KALRN: variants seen among roughly 807,000 people sequenced by gnomAD.
KALRN encodes kalirin.
In KALRN, 70 loss-of-function variants were observed where a neutral mutation model predicts 353.7. That is an observed-to-expected ratio of 0.20 (90% CI 0.16 to 0.24). KALRN has a LOEUF of 0.24. KALRN is among the 10% of genes least tolerant of loss of function. The probability of loss-of-function intolerance (pLI) is 1.00; values close to 1 mark genes in which losing one functional copy is unlikely to be tolerated. For missense variants in KALRN, 2,791 were observed against 3,756.7 expected, an observed-to-expected ratio of 0.74 and a Z score of 6.72; for synonymous variants, 1,391 against 1,434.8, an observed-to-expected ratio of 0.97 and a Z score of 0.69.
chr3:124,454,809 A>G (rs2059147043), intron 21 of KALRN, among the ~76,000 whole-genome samples: 1 of 152,214 alleles, frequency 6.6e-6, no homozygotes, highest in Non-Finnish European at 1.5e-5. Context: ...TAAGTAATTT[A>G]GAGATGATTT....
At chr3:124,490,241 T>G (rs1350434080) in intron 29 of KALRN, among the ~76,000 whole-genome samples, 2 of 151,824 alleles carry the variant, frequency 1.3e-5, no homozygotes, top group East Asian at 1.9e-4. Flanking sequence ...TAAAAAATAA[T>G]AATAAGAAGA....
chr3:124,590,633 A>T (rs148922909), intron 34 of KALRN, among the ~76,000 whole-genome samples: 1 of 151,984 alleles, frequency 6.6e-6, no homozygotes, highest in East Asian at 1.9e-4. Flanking sequence ...TTTGCACTTG[A>T]TCTTAGCCAA....
chr3:124,451,378 G>C (rs1175697515), intron 21 of KALRN, among the ~76,000 whole-genome samples: 1 of 152,114 alleles, frequency 6.6e-6, no homozygotes, highest in Non-Finnish European at 1.5e-5. Context: ...TCAAAATGGA[G>C]AGGCAAGACA....
chr3:124,050,443 C>T (rs1221948974), intron 1 of KALRN, among the ~76,000 whole-genome samples: 1 of 152,182 alleles, frequency 6.6e-6, no homozygotes, highest in African/African-American at 2.4e-5. Context: ...CTGTTCACCA[C>T]CATCCTCTCC....
intron 3 of KALRN, among the ~76,000 whole-genome samples, chr3:124,250,970 C>G (rs1387772403): frequency 6.6e-6 from 1 of 152,238 alleles, no homozygotes; most frequent in African/African-American, 2.4e-5. Flanking sequence ...CCTTCTCTCC[C>G]TAGCCAGCTA....
In KALRN at chr3:124,435,766, C is replaced by A. The variant is rs76761480; in HGVS notation, c.3048+1241C>A. 3.3e-5 allele frequency among the ~76,000 whole-genome samples: 5 copies of A among 152,224 alleles called. No individual in the cohort carries two copies. In the South Asian group the frequency reaches 1.0e-3, roughly 32 times the overall value. ...CAGACTAAGATGATAGAGAGCTTCC[C>A]CAGTTGATCCCTAGATTCAACACAG... On this transcript the variant is annotated intron_variant, in intron 17 of 59. Transcript: ENST00000682506.
chr3:124,672,665 C>T (rs545413560), intron 48 of KALRN, among the ~76,000 whole-genome samples: 1 of 152,280 alleles, frequency 6.6e-6, no homozygotes, highest in Non-Finnish European at 1.5e-5. Context: ...GTCAAAGACT[C>T]AACCATAGAC....
At chr3:124,460,278 G>C (rs147290178) in intron 23 of KALRN, among the ~76,000 whole-genome samples, 76 of 152,286 alleles carry the variant, frequency 5.0e-4, no homozygotes, top group Non-Finnish European at 9.1e-4. Context: ...ATATCTGGGA[G>C]GGGGATGAGG....
intron 1 of KALRN, among the ~76,000 whole-genome samples, chr3:124,157,442 A>C (rs1280150216): frequency 6.6e-6 from 1 of 152,254 alleles, no homozygotes; most frequent in African/African-American, 2.4e-5. Context: ...GCCAGGATTT[A>C]AGGTAACATA....
Position 124,666,476 on chromosome 3 carries a change from C to G in KALRN, c.6373C>G (p.Leu2125Val), listed in dbSNP as rs1290476215. 6.2e-6 allele frequency: 10 copies of G among 1,614,022 alleles called. No homozygotes were observed. Among genetic ancestry groups the G allele is most frequent in the Non-Finnish European group, 7.6e-6 (9 of 1,179,886 alleles). The change falls in exon 46 of 60, where the codon CTG becomes GTG. Residue 2125 changes from leucine to valine, a missense_variant. Transcript: ENST00000682506. ...CACTCTGACTGCTCAGGGGAAGCTG[C>G]TGCAGCAGGACACATTCTATGTGAT... ...EGTLTAQGKL[L>V]QQDTFYVIEL...
intron 33 of KALRN, among the ~76,000 whole-genome samples, chr3:124,556,906 A>C (rs1195697695): frequency 6.6e-6 from 1 of 152,216 alleles, no homozygotes; most frequent in Non-Finnish European, 1.5e-5. Flanking sequence ...ATGTTCACAC[A>C]GTTATATATA....
At chr3:124,471,243 A>AC (rs1246194355) in intron 25 of KALRN, among the ~76,000 whole-genome samples, 3 of 147,184 alleles carry the variant, frequency 2.0e-5, no homozygotes, top group Non-Finnish European at 4.5e-5. Context: ...CCTTACAAGC[A>AC]CCCCCACAAA....
chr3:124,093,255 G>A (rs897114531), intron 1 of KALRN, among the ~76,000 whole-genome samples: 14 of 152,244 alleles, frequency 9.2e-5, no homozygotes, highest in African/African-American at 3.4e-4. Context: ...AGCTGGTGCT[G>A]AGGGAGACAT....
intron 34 of KALRN, among the ~76,000 whole-genome samples, chr3:124,615,929 G>T (rs1330006246): frequency 6.6e-6 from 1 of 152,146 alleles, no homozygotes; most frequent in African/African-American, 2.4e-5. Context: ...AGACCTAGAA[G>T]AAAACCCACT....
intron 1 of KALRN, among the ~76,000 whole-genome samples, chr3:124,227,325 A>G (rs1410888825): frequency 6.6e-6 from 1 of 152,168 alleles, no homozygotes; most frequent in African/African-American, 2.4e-5. Flanking sequence ...GGAGATTTGT[A>G]TCTCCCCATC....
At chr3:124,577,986 G>A (rs1015335838) in intron 34 of KALRN, among the ~76,000 whole-genome samples, 1 of 152,162 alleles carries the variant, frequency 6.6e-6, no homozygotes, top group African/African-American at 2.4e-5. Flanking sequence ...GGTTACTGAT[G>A]ACTATTGTCT....
rs1271596930 is a variant in KALRN at position 124,395,290 on chromosome 3, T to C, written c.2118T>C (p.Leu706=). The stretch of plus-strand genomic sequence containing the variant: ...ATGTCATCAAGGAAGGCGAAGACCT[T>C]ATCCAGCAGCTCAGGTCAGCGCCTC... The part of the protein sequence containing the change: ...TLNVIKEGED[L]IQQLRSAPPS... The change falls in exon 12 of 60, where the codon CTT becomes CTC. Residue 706 remains leucine, a synonymous_variant. Coordinates refer to ENST00000682506, the MANE Select transcript of KALRN (RefSeq NM_001388419.1). 29 of 1,613,348 alleles carry C rather than the reference T, an allele frequency of 1.8e-5. No individual in the cohort carries two copies. Among genetic ancestry groups the C allele is most frequent in the Non-Finnish European group, 2.5e-5 (29 of 1,179,934 alleles).
chr3:124,053,292 T>C (rs1352871467), intron 1 of KALRN, among the ~76,000 whole-genome samples: 5 of 152,186 alleles, frequency 3.3e-5, no homozygotes, highest in Admixed American at 1.3e-4. Flanking sequence ...AGGGATAATA[T>C]GGCATTGGAA....
intron 45 of KALRN, among the ~76,000 whole-genome samples, chr3:124,664,377 G>GCGCA (rs1553719929): frequency 2.0e-5 from 3 of 150,532 alleles, no homozygotes; most frequent in South Asian, 4.2e-4. Context: ...GTGTGCGCGC[G>GCGCA]CGCGCATATA....
Sources: allele counts gnomAD v4.1 joint callset (sites outside exome capture counted in the v4.1 genomes callset), GRCh38; gene constraint gnomAD v4.1.1; transcripts MANE v1.5; gene names NCBI Gene and HGNC (gene_info 2026-07-23, HGNC 2026-07-21).